SLF2: variants seen among roughly 807,000 people sequenced by gnomAD.
The protein encoded by SLF2 is SMC5/6 complex localization factor 2.
Under a neutral mutation model 124.3 loss-of-function variants are expected in SLF2, and 68 were observed. The observed-to-expected ratio is 0.55, with a 90% confidence interval of 0.45 to 0.67. The LOEUF is 0.67. Among genes scored for constraint, SLF2 ranks in the 30% least tolerant of loss-of-function variants. SLF2 has a pLI of 0.00. For missense variants in SLF2, 1,246 were observed against 1,373.7 expected, an observed-to-expected ratio of 0.91 and a Z score of 1.47; for synonymous variants, 480 against 478.8, an observed-to-expected ratio of 1.00 and a Z score of -0.03.
rs1443966910 is a variant in SLF2, at chr10:100,956,486, G to T, written c.3366G>T (p.Lys1122Asn). 1.2e-6 allele frequency: 2 copies of T among 1,613,254 alleles called. No homozygotes were observed. Among genetic ancestry groups the T allele is most frequent in the African/African-American group, 2.7e-5 (2 of 74,848 alleles). ...TGCTACTCTGTGGGGCTTTGGAAAA[G>T]CATGTTAAATGTGATATTAGGGAAG... is the stretch of plus-strand genomic sequence containing the variant. ...HFVLLCGALE[K>N]HVKCDIREDA... Residue 1122 changes from lysine to asparagine, a missense_variant, in exon 18 of 20, where the codon AAG (lysine) becomes AAT (asparagine). This residue lies in a region of SLF2 where 535 missense variants were observed against 632.8 expected (regional missense o/e 0.85). Transcript: ENST00000238961.
chr10:100,941,611 A>G (rs1849982619), intron 11 of SLF2, among the ~76,000 whole-genome samples: 1 of 152,096 alleles, frequency 6.6e-6, no homozygotes. Flanking sequence ...TTTATACCCT[A>G]TATTTAAGAC....
At chr10:100,933,135 T>C (rs1034675117) in intron 9 of SLF2, among the ~76,000 whole-genome samples, 2 of 152,230 alleles carry the variant, frequency 1.3e-5, no homozygotes, top group Non-Finnish European at 2.9e-5. Context: ...TTTACTGTTA[T>C]GCCAGGGCTT....
intron 7 of SLF2, 48 bp from the exon 8 acceptor site, chr10:100,929,782 A>G: frequency 7.1e-7 from 1 of 1,407,388 alleles, no homozygotes; most frequent in Non-Finnish European, 9.7e-7. Context: ...ATACAAAACT[A>G]TATGTAGTGT....
rs377642380 is a variant in SLF2, at chr10:100,913,127, T to C, written c.17T>C (p.Met6Thr). Residue 6 changes from methionine to threonine, a missense_variant, in exon 1 of 20, where the codon ATG (methionine) becomes ACG (threonine). Coordinates refer to ENST00000238961, the MANE Select transcript of SLF2 (RefSeq NM_018121.4). ...GGCGCCGACATGACAAGGCGCTGCATGCCCGCTAGGCCAGGTTTCCCCTCA... is the reference window on the plus strand; with the variant it reads ...GGCGCCGACATGACAAGGCGCTGCACGCCCGCTAGGCCAGGTTTCCCCTCA... MTRRC[M>T]PARPGFPSSP... 42 of 1,612,784 alleles carry C rather than the reference T, an allele frequency of 2.6e-5. No individual in the cohort carries two copies. The highest frequency in any genetic ancestry group is 3.5e-5 in the Non-Finnish European group (41 of 1,179,634).
Position 100,913,170 on chromosome 10 carries a change from G to A in SLF2, c.60G>A (p.Ser20=), listed in dbSNP as rs778906776. 5.6e-6 allele frequency: 9 copies of A among 1,611,970 alleles called. No individual in the cohort carries two copies. In the East Asian group the frequency reaches 1.8e-4, roughly 32 times the overall value. The stretch of plus-strand genomic sequence containing the variant: ...TCCCCTCATCCCCAGCCCCGGGGTC[G>A]TCGCCCCCGCGCTGCCATCTGAGAC... ...PGFPSSPAPG[S]SPPRCHLRPG... The change falls in exon 1 of 20, where the codon TCG becomes TCA. Residue 20 remains serine (S), a synonymous_variant. Coordinates refer to ENST00000238961, the MANE Select transcript of SLF2 (RefSeq NM_018121.4).
intron 12 of SLF2, among the ~76,000 whole-genome samples, 194 bp downstream of exon 12, chr10:100,944,322 C>CT: frequency 6.6e-6 from 1 of 151,896 alleles, no homozygotes; most frequent in Non-Finnish European, 1.5e-5. Context: ...GGTGAAAACC[C>CT]GTCTCTACTA....
chr10:100,914,894 A>G (rs1234293936), intron 1 of SLF2, among the ~76,000 whole-genome samples: 1 of 152,030 alleles, frequency 6.6e-6, no homozygotes, highest in Non-Finnish European at 1.5e-5. Flanking sequence ...GAGCATTCCA[A>G]CCTCATAGTG....
intron 11 of SLF2, among the ~76,000 whole-genome samples, chr10:100,942,712 T>C: frequency 6.6e-6 from 1 of 152,088 alleles, no homozygotes; most frequent in Non-Finnish European, 1.5e-5. Flanking sequence ...AGAGATGGGG[T>C]TTCACCATGT....
chr10:100,918,383 G>C lies in SLF2; in HGVS notation c.916-1G>C. 6.3e-7 allele frequency: 1 copy of C among 1,588,838 alleles called. No individual in the cohort carries two copies. Reference sequence around the variant, plus strand: ...TTAATTTTATCTCATTGTGCTCATAGGAAAATGGACATCTCTCAAGAAAAA... The same window carrying C: ...TTAATTTTATCTCATTGTGCTCATACGAAAATGGACATCTCTCAAGAAAAA... On this transcript the variant is annotated splice_acceptor_variant, in intron 3 of 19. Coordinates refer to ENST00000238961, the MANE Select transcript of SLF2 (RefSeq NM_018121.4). LOFTEE classifies it high-confidence loss of function.
At chr10:100,935,859 CTTTT>C (rs556164456) in intron 9 of SLF2, among the ~76,000 whole-genome samples, 31 of 99,318 alleles carry the variant, frequency 3.1e-4, no homozygotes, top group Non-Finnish European at 4.1e-4. Flanking sequence ...TTTTTTTTTT[CTTTT>C]TTTTTTTTTT....
chr10:100,920,211 C>G (rs1386027869), intron 4 of SLF2, among the ~76,000 whole-genome samples: 4 of 152,170 alleles, frequency 2.6e-5, no homozygotes, highest in African/African-American at 7.2e-5. Flanking sequence ...CACCTTGCAC[C>G]AAAGTTAATG....
intron 12 of SLF2, among the ~76,000 whole-genome samples, chr10:100,944,509 A>AAG (rs1431889202): frequency 5.3e-5 from 8 of 151,760 alleles, no homozygotes; most frequent in Non-Finnish European, 1.5e-5. Flanking sequence ...AAAAAAAAAA[A>AAG]AAAAACTCTC....
chr10:100,923,886 C>A lies in SLF2; in HGVS notation c.974-89C>A, dbSNP rs1051925712. 3 of 1,054,274 alleles carry A rather than the reference C, an allele frequency of 2.8e-6. 1 individual carries two copies. Among genetic ancestry groups the A allele is most frequent in the Middle Eastern group, 5.5e-4 (2 of 3,616 alleles). The allele number at this position is 1,054,274 out of a possible 1,614,324, so 65.3% of individuals were successfully genotyped here. ...CAGCCTTAATACTTAGAATTTTAAA[C>A]CTTTCATTAGGGTGTTCTAGACACT... On this transcript the variant is annotated intron_variant, in intron 4 of 19. Coordinates refer to ENST00000238961, the MANE Select transcript of SLF2 (RefSeq NM_018121.4).
chr10:100,945,904 T>C (rs1392154869), intron 13 of SLF2, among the ~76,000 whole-genome samples: 1 of 152,180 alleles, frequency 6.6e-6, no homozygotes, highest in Non-Finnish European at 1.5e-5. Context: ...AAGCAGGACA[T>C]GAGTACAGCA....
chr10:100,965,038 CT>C lies in SLF2; in HGVS notation c.*3140del, dbSNP rs75418886. ...AAGTAAATACAGATTTTTTTCTTTC[CT>C]TTTTTTTTTTTTTAAAGATTTTATA... is the stretch of plus-strand genomic sequence containing the variant. On this transcript the variant is annotated 3_prime_UTR_variant, in exon 20 of 20. Coordinates refer to ENST00000238961, the MANE Select transcript of SLF2 (RefSeq NM_018121.4). The surrounding 1 kb of genome is among the most constrained non-coding windows in gnomAD (Gnocchi z 4.1). The C allele has an allele frequency of 2.1e-3, 288 of 139,402 alleles. No homozygotes were observed. The highest frequency in any genetic ancestry group is 2.5e-3 in the East Asian group (12 of 4,784). The allele number at this position is 139,402 out of a possible 1,614,324, so 8.6% of individuals were successfully genotyped here.
At chr10:100,930,837 T>C (rs1389000670) in intron 8 of SLF2, 139 bp from the exon 9 acceptor site, 1 of 629,956 alleles carries the variant, frequency 1.6e-6, no homozygotes, top group Non-Finnish European at 2.8e-6. Context: ...CTCATCCATA[T>C]TGGTATAGAG....
At chr10:100,920,767 T>C (rs751467919) in intron 4 of SLF2, among the ~76,000 whole-genome samples, 62 of 152,056 alleles carry the variant, frequency 4.1e-4, no homozygotes, top group Admixed American at 1.2e-3. Context: ...CTGGCCAACA[T>C]GGTGAGACCT....
In SLF2 at chr10:100,945,486, A is replaced by C. The variant is rs138249057; in HGVS notation, c.2914A>C (p.Ile972Leu). 240 of 1,566,380 alleles carry C rather than the reference A, an allele frequency of 1.5e-4. No homozygotes were observed. The highest frequency in any genetic ancestry group is 1.0e-3 in the Middle Eastern group (6 of 5,920). ...CCTCCTGATAAACCTGATGAAAAAC[A>C]TCAGAGATTGGAACACAAAGGTAAT... ...QSLLINLMKN[I>L]RDWNTKVPEL... The change falls in exon 13 of 20, where the codon ATC (isoleucine) becomes CTC (leucine). Residue 972 changes from isoleucine to leucine, a missense_variant. Around this residue, in one of 3 missense-constraint regions of SLF2, gnomAD observed 535 missense variants for 632.8 expected, o/e 0.85. Coordinates refer to ENST00000238961, the MANE Select transcript of SLF2 (RefSeq NM_018121.4).
chr10:100,937,718 C>T (rs1471361474), intron 10 of SLF2, among the ~76,000 whole-genome samples: 2 of 151,938 alleles, frequency 1.3e-5, no homozygotes, highest in African/African-American at 2.4e-5. Context: ...AAGCAATTCT[C>T]GTGCCTCAGC....
Sources: allele counts gnomAD v4.1 joint callset (sites outside exome capture counted in the v4.1 genomes callset), GRCh38; gene constraint gnomAD v4.1.1; regional missense constraint gnomAD v4.1.1; non-coding constraint Gnocchi (gnomAD v3.1); transcripts MANE v1.5; gene names NCBI Gene and HGNC (gene_info 2026-07-23, HGNC 2026-07-21).